The following RPH3AL variants were observed in gnomAD, a reference collection of about 807,000 sequenced individuals.
RPH3AL encodes the protein rabphilin 3A like (without C2 domains).
RPH3AL carries 38 observed loss-of-function variants against 43.1 expected under a neutral mutation model. The ratio of observed to expected loss-of-function variants is 0.88; its 90% CI spans 0.68 to 1.15. The LOEUF is 1.15. Ranked by LOEUF, RPH3AL falls within the 50% of genes most tolerant of loss-of-function variation. The pLI is 0.00. For missense variants in RPH3AL, 462 were observed against 423.2 expected, an observed-to-expected ratio of 1.09 and a Z score of -0.81; for synonymous variants, 189 against 176.3, an observed-to-expected ratio of 1.07 and a Z score of -0.57.
chr17:348,349 G>T (rs1209025847), intron 1 of RPH3AL, among the ~76,000 whole-genome samples: 1 of 152,120 alleles, frequency 6.6e-6, no homozygotes, highest in East Asian at 1.9e-4. Context: ...ACACCTCCAA[G>T]ATCCAACCCT....
At chr17:315,544 A>G (rs1372062599) in intron 5 of RPH3AL, among the ~76,000 whole-genome samples, 2 of 149,080 alleles carry the variant, frequency 1.3e-5, no homozygotes, top group Admixed American at 6.6e-5. Flanking sequence ...TCCCACCTCC[A>G]TTGACCTGTA....
chr17:336,742 A>T (rs2044965638), intron 1 of RPH3AL, among the ~76,000 whole-genome samples: 1 of 152,042 alleles, frequency 6.6e-6, no homozygotes, highest in Non-Finnish European at 1.5e-5. Context: ...TCTGGCACAA[A>T]CCACCCTTGC....
At chr17:226,042 T>C (rs1167626177) in intron 7 of RPH3AL, among the ~76,000 whole-genome samples, 1 of 152,268 alleles carries the variant, frequency 6.6e-6, no homozygotes, top group Non-Finnish European at 1.5e-5. Flanking sequence ...GCGTTTGTTA[T>C]GAGTCGTGCA....
At chr17:315,549 C>A (rs2043990386) in intron 5 of RPH3AL, among the ~76,000 whole-genome samples, 3 of 152,110 alleles carry the variant, frequency 2.0e-5, no homozygotes, top group South Asian at 4.1e-4. Context: ...CCTCCATTGA[C>A]CTGTAGTCCC....
At chr17:336,095 C>G (rs755884184) in intron 1 of RPH3AL, 3 of 66,768 alleles carry the variant, frequency 4.5e-5, no homozygotes, top group African/African-American at 1.4e-4. Context: ...TACTTGCCAC[C>G]GAGCCGGTGC....
intron 1 of RPH3AL, among the ~76,000 whole-genome samples, chr17:347,213 A>G (rs7209825): frequency 0.65 from 69,447 of 106,452 alleles, 25,552 homozygotes; most frequent in East Asian, 0.82. Flanking sequence ...AGCCAGGATC[A>G]TGCCACTGTG....
At chr17:349,376 C>T (rs1432401720) in intron 1 of RPH3AL, 2 of 152,188 alleles carry the variant, frequency 1.3e-5, no homozygotes, top group African/African-American at 4.8e-5. Flanking sequence ...TGAAGTCAGG[C>T]TGAGAAGAGA....
chr17:311,533 G>A (rs571271848), intron 5 of RPH3AL, among the ~76,000 whole-genome samples: 1 of 152,304 alleles, frequency 6.6e-6, no homozygotes, highest in South Asian at 2.1e-4. Context: ...TCACACTAGA[G>A]AATACTGTCT....
chr17:313,971 C>A (rs1452902969), intron 5 of RPH3AL, among the ~76,000 whole-genome samples: 1 of 152,196 alleles, frequency 6.6e-6, no homozygotes, highest in Non-Finnish European at 1.5e-5. Flanking sequence ...CAAGCCAGGA[C>A]TGAGACCTCA....
At chr17:352,367 G>A (rs2045371284) in intron 1 of RPH3AL, among the ~76,000 whole-genome samples, 1 of 152,158 alleles carries the variant, frequency 6.6e-6, no homozygotes, top group South Asian at 2.1e-4. Flanking sequence ...TGTCCACTGG[G>A]GTGTTTCAAA....
At position 213,698 on chromosome 17, in the gene RPH3AL, C is replaced by A; in HGVS notation, c.*154G>T. 3 of 676,630 alleles carry A rather than the reference C, an allele frequency of 4.4e-6. No homozygotes were observed. The highest frequency in any genetic ancestry group is 1.6e-5 in the South Asian group (1 of 61,130). The allele number at this position is 676,630 out of a possible 1,614,324, so 41.9% of individuals were successfully genotyped here. On this transcript the variant is annotated 3_prime_UTR_variant, in exon 10 of 10. Coordinates refer to ENST00000331302, the MANE Select transcript of RPH3AL (RefSeq NM_006987.4). ...CCAGGAGAGAAGGGGTGCAGAAAGGCACTGAGCTGGGGAGGCAGACGGCTC... is the reference window on the plus strand; with the variant it reads ...CCAGGAGAGAAGGGGTGCAGAAAGGAACTGAGCTGGGGAGGCAGACGGCTC...
chr17:311,934 G>A (rs1234883966), intron 5 of RPH3AL, among the ~76,000 whole-genome samples: 1 of 152,174 alleles, frequency 6.6e-6, no homozygotes, highest in Non-Finnish European at 1.5e-5. Flanking sequence ...TTGGAGAGAA[G>A]GTCTTTAGGA....
intron 1 of RPH3AL, among the ~76,000 whole-genome samples, chr17:336,948 C>T (rs560316247): frequency 5.3e-5 from 8 of 152,172 alleles, no homozygotes; most frequent in East Asian, 1.9e-4. Context: ...GGCTCCCATT[C>T]GGCTTGAGCC....
At chr17:281,969 T>A (rs1426692307) in intron 5 of RPH3AL, 115 bp from the exon 6 acceptor site, 2 of 768,834 alleles carry the variant, frequency 2.6e-6, no homozygotes, top group Non-Finnish European at 4.6e-6. Context: ...CGTCTCTTGC[T>A]TCAGGATAGA....
chr17:240,553 G>A (rs1338233862), intron 7 of RPH3AL, among the ~76,000 whole-genome samples: 1 of 152,056 alleles, frequency 6.6e-6, no homozygotes, highest in African/African-American at 2.4e-5. Flanking sequence ...CACAACACGC[G>A]GCCTTTCGTC....
intron 5 of RPH3AL, among the ~76,000 whole-genome samples, chr17:288,996 G>T (rs1057194680): frequency 6.6e-6 from 1 of 152,018 alleles, no homozygotes; most frequent in Non-Finnish European, 1.5e-5. Context: ...CTTTTGCAAA[G>T]AAATGTATAT....
intron 7 of RPH3AL, among the ~76,000 whole-genome samples, chr17:221,687 ACTCACT>A (rs1357268084): frequency 0.038 from 5,216 of 139,084 alleles, 8 homozygotes; most frequent in South Asian, 0.052. Flanking sequence ...TGAGGGCTCC[ACTCACT>A]GAGACAATAG....
chr17:315,828 TCCC>T (rs2044095142), intron 5 of RPH3AL, among the ~76,000 whole-genome samples: 24 of 147,156 alleles, frequency 1.6e-4, no homozygotes, highest in African/African-American at 5.8e-4. Context: ...TGACCTGTAG[TCCC>T]TGTGCCCCCA....
At chr17:319,672 C>T (rs1024268507) in intron 4 of RPH3AL, 123 bp from the exon 5 acceptor site, 78 of 1,177,194 alleles carry the variant, frequency 6.6e-5, no homozygotes, top group Middle Eastern at 5.5e-4. Context: ...TTCCTTGCCC[C>T]GCCCTTCCCC....
Sources: allele counts gnomAD v4.1 joint callset (sites outside exome capture counted in the v4.1 genomes callset), GRCh38; gene constraint gnomAD v4.1.1; transcripts MANE v1.5; gene names NCBI Gene and HGNC (gene_info 2026-07-23, HGNC 2026-07-21).